DOCK8: variants seen among roughly 807,000 people sequenced by gnomAD.
DOCK8 encodes dedicator of cytokinesis 8.
A neutral mutation model predicts 245.6 loss-of-function variants in DOCK8; 141 were observed. The ratio of observed to expected loss-of-function variants is 0.57; its 90% confidence interval spans 0.50 to 0.66. DOCK8 has a LOEUF of 0.66. Among genes scored for constraint, DOCK8 ranks in the 30% least tolerant of loss-of-function variants. The pLI is 0.00. For missense variants in DOCK8, 2,965 were observed against 2,603.4 expected, an observed-to-expected ratio of 1.14 and a Z score of -3.02; for synonymous variants, 1,168 against 970.2, an observed-to-expected ratio of 1.20 and a Z score of -3.79.
intron 6 of DOCK8, chr9:314,192 T>G (rs1004103875): frequency 2.6e-5 from 4 of 152,178 alleles, no homozygotes; most frequent in African/African-American, 9.7e-5. Flanking sequence ...TCATGTAACT[T>G]TTTAGTTTCC....
Position 215,046 on chromosome 9 carries a change from G to C in DOCK8, c.53+17G>C, listed in dbSNP as rs1320247207. The C allele has an allele frequency of 1.5e-5, 23 of 1,567,106 alleles. 1 individual carries two copies. Among genetic ancestry groups the C allele is most frequent in the South Asian group, 8.1e-5 (7 of 86,792 alleles). ...GATCAACAGGTAAGACGCCCCCCGC[G>C]GCGCGCAGGTTGCGGCCGGACAGCC... is the stretch of plus-strand genomic sequence containing the variant. On this transcript the variant is annotated intron_variant, in intron 1 of 47. Coordinates refer to ENST00000432829, the MANE Select transcript of DOCK8 (RefSeq NM_203447.4).
At chr9:422,760 G>C (rs1034598253) in intron 33 of DOCK8, among the ~76,000 whole-genome samples, 2 of 152,096 alleles carry the variant, frequency 1.3e-5, no homozygotes, top group Non-Finnish European at 2.9e-5. Context: ...TGAGGCCGGT[G>C]GAACACCTGA....
At chr9:439,222 G>A (rs1194665678) in intron 39 of DOCK8, 23 bp from the exon 40 acceptor site, 1 of 1,614,094 alleles carries the variant, frequency 6.2e-7, no homozygotes, top group East Asian at 2.2e-5. Context: ...TGTTCTCCAG[G>A]CTTATACTGT....
chr9:400,228 T>TCCACCATCACCACCACTTCCTTCA (rs2054789614), intron 26 of DOCK8, among the ~76,000 whole-genome samples: 3 of 66,386 alleles, frequency 4.5e-5, no homozygotes, highest in Non-Finnish European at 1.0e-4. Flanking sequence ...CACCACCACC[T>TCCACCATCACCACCACTTCCTTCA]CCACCATCAC....
chr9:439,182 T>C (rs528580442), intron 39 of DOCK8, 63 bp from the exon 40 acceptor site: 2 of 1,610,232 alleles, frequency 1.2e-6, no homozygotes, highest in African/African-American at 2.7e-5. Flanking sequence ...CATTCGGGGT[T>C]CCTGTGGTCT....
At chr9:318,137 C>T (rs1483850974) in intron 7 of DOCK8, among the ~76,000 whole-genome samples, 1 of 152,180 alleles carries the variant, frequency 6.6e-6, no homozygotes, top group Non-Finnish European at 1.5e-5. Flanking sequence ...CTTGTGTACC[C>T]TCGGAGTGCC....
chr9:445,125 G>GT (rs1415641498), intron 43 of DOCK8, among the ~76,000 whole-genome samples: 4 of 152,240 alleles, frequency 2.6e-5, no homozygotes, highest in African/African-American at 9.6e-5. Flanking sequence ...TGTGGTAAGA[G>GT]TTTAACTAAT....
chr9:303,427 C>T (rs781309548), intron 4 of DOCK8, among the ~76,000 whole-genome samples: 4 of 152,176 alleles, frequency 2.6e-5, no homozygotes, highest in Non-Finnish European at 4.4e-5. Flanking sequence ...AAATTTGGTA[C>T]ATATACACCA....
chr9:444,684 C>T (rs914001185), intron 43 of DOCK8, among the ~76,000 whole-genome samples: 3 of 152,198 alleles, frequency 2.0e-5, no homozygotes, highest in Non-Finnish European at 4.4e-5. Context: ...ACTTGGCATC[C>T]TGAAGCTATC....
intron 29 of DOCK8, among the ~76,000 whole-genome samples, chr9:415,308 G>C (rs75887901): frequency 0.012 from 1,772 of 152,074 alleles, 28 homozygotes; most frequent in African/African-American, 0.039. Context: ...TTGAAATAAA[G>C]GTGTTCCTTC....
intron 25 of DOCK8, 42 bp from the exon 26 acceptor site, chr9:399,104 G>T (rs772981603): frequency 1.3e-6 from 2 of 1,578,696 alleles, no homozygotes; most frequent in Non-Finnish European, 1.7e-6. Flanking sequence ...TTCAAATCCA[G>T]AGTGTCCCAC....
chr9:407,725 G>T (rs1406753426), intron 28 of DOCK8, among the ~76,000 whole-genome samples: 1 of 152,168 alleles, frequency 6.6e-6, no homozygotes, highest in African/African-American at 2.4e-5. Flanking sequence ...GACTGAAAAA[G>T]ATAATGCCTT....
rs1055602186 is a variant in DOCK8 at position 336,841 on chromosome 9, A to G, written c.1422+123A>G. The G allele has an allele frequency of 6.1e-6, 7 of 1,139,774 alleles. No homozygotes were observed. The Admixed American group carries it at 8.7e-5, about 14-fold the overall frequency. 70.6% of individuals were successfully genotyped at this position (1,139,774 alleles called of 1,614,324 possible). A position where few individuals can be genotyped will look rare whatever the true frequency, so the allele number is the denominator to read the frequency against. ...TTAGTTAAGCTCACTCTCTTAGTTC[A>G]TTTTCTGCTGCTTATAATAGAGTAT... On this transcript the variant is annotated intron_variant, in intron 12 of 47. Coordinates refer to ENST00000432829, the MANE Select transcript of DOCK8 (RefSeq NM_203447.4).
At chr9:394,947 T>G (rs1547215) in intron 24 of DOCK8, among the ~76,000 whole-genome samples, 22,176 of 152,172 alleles carry the variant, frequency 0.15, 4,932 homozygotes, top group African/African-American at 0.48. Context: ...ATGGCCAAAC[T>G]CAGCAGACAG....
At position 279,612 on chromosome 9, in the gene DOCK8, A is replaced by G. The variant is rs117353201; in HGVS notation, c.157-6849A>G. 9.8e-3 allele frequency among the ~76,000 whole-genome samples: 1,487 copies of G among 152,322 alleles called. 16 individuals carry two copies. The highest frequency in any genetic ancestry group is 0.014 in the Non-Finnish European group (976 of 68,034). On this transcript the variant is annotated intron_variant, in intron 2 of 47. Transcript: ENST00000432829. ...AGACAATTGGTTGCCTTCCATGGGA[A>G]GAAAGTATGTCAAGAGGGAGAGAGT...
chr9:218,273 A>G (rs1218499525), intron 1 of DOCK8, among the ~76,000 whole-genome samples: 1 of 152,236 alleles, frequency 6.6e-6, no homozygotes, highest in Non-Finnish European at 1.5e-5. Context: ...GGATAAAACC[A>G]GTGTGCTTCC....
chr9:293,668 C>T (rs72701263), intron 4 of DOCK8, among the ~76,000 whole-genome samples: 4,356 of 152,326 alleles, frequency 0.029, 132 homozygotes, highest in African/African-American at 0.07. Flanking sequence ...CTCTTTCCAG[C>T]TCCATCTGAT....
intron 2 of DOCK8, chr9:280,673 G>T (rs1034388528): frequency 1.3e-5 from 2 of 152,108 alleles, no homozygotes; most frequent in African/African-American, 4.8e-5. Flanking sequence ...ACCTGTTTAG[G>T]GACTTTAATT....
At chr9:453,488 A>G (rs556393739) in intron 46 of DOCK8, among the ~76,000 whole-genome samples, 14 of 152,286 alleles carry the variant, frequency 9.2e-5, no homozygotes, top group African/African-American at 3.4e-4. Flanking sequence ...GTACAGTGGC[A>G]TAATCTCAGC....
Sources: allele counts gnomAD v4.1 joint callset (sites outside exome capture counted in the v4.1 genomes callset), GRCh38; gene constraint gnomAD v4.1.1; transcripts MANE v1.5; gene names NCBI Gene and HGNC (gene_info 2026-07-23, HGNC 2026-07-21).